Variants in FBXO34 observed in about 807,000 individuals in gnomAD.
FBXO34 encodes F-box protein 34, also known as F-box only protein 34.
Under a neutral mutation model 24.5 loss-of-function variants are expected in FBXO34, and 12 were observed. The ratio of observed to expected loss-of-function variants is 0.49; its 90% CI spans 0.31 to 0.79. The LOEUF (loss-of-function observed/expected upper bound fraction) is 0.79, where lower values mean the gene tolerates loss of function less well. Ranked by LOEUF, FBXO34 falls within the 30% of genes least tolerant of loss-of-function variation. The pLI is 0.04. For missense variants in FBXO34, 823 were observed against 857.7 expected, an observed-to-expected ratio of 0.96 and a Z score of 0.51; for synonymous variants, 320 against 311.9, an observed-to-expected ratio of 1.03 and a Z score of -0.27.
At chr14:55,310,176 C>G (rs78338252) in intron 1 of FBXO34, among the ~76,000 whole-genome samples, 2,242 of 152,104 alleles carry the variant, frequency 0.015, 48 homozygotes, top group African/African-American at 0.051. Flanking sequence ...TGTGAGCTAT[C>G]TAGAATGGAG....
the FBXO34 span, among the ~76,000 whole-genome samples, chr14:55,401,264 G>GT: frequency 0.11 from 16,410 of 148,570 alleles, 2,455 homozygotes; most frequent in African/African-American, 0.34. Flanking sequence ...ATTTTTTATA[G>GT]TTTTTTTTTT....
the FBXO34 span, among the ~76,000 whole-genome samples, chr14:55,391,579 C>T: frequency 0.091 from 13,819 of 152,104 alleles, 1,831 homozygotes; most frequent in African/African-American, 0.29. Context: ...TCTCTAAACC[C>T]GCTCTAGCTA....
At chr14:55,397,883 T>C in the FBXO34 span, among the ~76,000 whole-genome samples, 1 of 151,732 alleles carries the variant, frequency 6.6e-6, no homozygotes, top group South Asian at 2.1e-4. Flanking sequence ...CTAGTTATCA[T>C]AGGCTAAAAA....
chr14:55,350,784 A>G lies in FBXO34; in HGVS notation c.394A>G (p.Ile132Val). The change falls in exon 2 of 2, where the codon ATA (isoleucine) becomes GTA (valine). Residue 132 changes from isoleucine (I) to valine (V), a missense_variant. Ile to Val is a conservative substitution (Grantham distance 29, BLOSUM62 3). Around this residue, in one of 2 missense-constraint regions of FBXO34, gnomAD observed 693 missense variants for 659.1 expected, o/e 1.05. Transcript: ENST00000313833. ...FFASHQCSNR[I>V]GSMKIKSSWD... Reference sequence around the variant, plus strand: ...TGCATCCCACCAGTGTAGTAACAGGATAGGATCTATGAAAATAAAAAGTTC... The same window carrying G: ...TGCATCCCACCAGTGTAGTAACAGGGTAGGATCTATGAAAATAAAAAGTTC... 6.2e-7 allele frequency: 1 copy of G among 1,606,670 alleles called. No individual in the cohort carries two copies. Among genetic ancestry groups the G allele is most frequent in the Non-Finnish European group, 8.5e-7 (1 of 1,177,764 alleles).
the FBXO34 span, among the ~76,000 whole-genome samples, chr14:55,431,022 T>C: frequency 6.6e-6 from 1 of 152,202 alleles, no homozygotes; most frequent in African/African-American, 2.4e-5. Context: ...TGTACAAACA[T>C]TAGAAAGTAG....
chr14:55,360,517 C>T (rs879469711), intron 3 of FBXO34, among the ~76,000 whole-genome samples: 2 of 152,196 alleles, frequency 1.3e-5, no homozygotes, highest in African/African-American at 2.4e-5. Flanking sequence ...TAGCTACTTC[C>T]TCCATGGGTC....
chr14:55,439,451 A>T, the FBXO34 span, among the ~76,000 whole-genome samples: 2 of 151,930 alleles, frequency 1.3e-5, no homozygotes, highest in African/African-American at 4.8e-5. Flanking sequence ...GGGAACCTGA[A>T]GTCACTACAG....
At chr14:55,370,858 C>T (rs1430885100), downstream of FBXO34, among the ~76,000 whole-genome samples, 1 of 152,146 alleles carries the variant, frequency 6.6e-6, no homozygotes, top group East Asian at 1.9e-4. Flanking sequence ...CCAGGCTGGT[C>T]TTGAACTCCT....
chr14:55,296,389 TTG>T (rs1349490584), intron 1 of FBXO34, among the ~76,000 whole-genome samples: 17 of 114,130 alleles, frequency 1.5e-4, no homozygotes, highest in African/African-American at 4.1e-4. Context: ...TGTGTTTTTT[TTG>T]TTTTTTTTTT....
At chr14:55,380,413 G>A in the FBXO34 span, among the ~76,000 whole-genome samples, 1 of 152,128 alleles carries the variant, frequency 6.6e-6, no homozygotes. Context: ...AAACGAATCT[G>A]CACATAAGGC....
intron 1 of FBXO34, among the ~76,000 whole-genome samples, chr14:55,324,459 G>C (rs1883274335): frequency 1.3e-5 from 2 of 151,128 alleles, no homozygotes; most frequent in Non-Finnish European, 2.9e-5. Flanking sequence ...GAATTGCTGG[G>C]TCGTGTGGCA....
At chr14:55,392,370 C>T in the FBXO34 span, among the ~76,000 whole-genome samples, 5 of 152,048 alleles carry the variant, frequency 3.3e-5, no homozygotes, top group Admixed American at 6.6e-5. Flanking sequence ...GATCTATGGC[C>T]GGGTGCAGTG....
At position 55,353,572 on chromosome 14, in the gene FBXO34, T is replaced by A. The variant is rs528236471; in HGVS notation, c.*1046T>A. 3 of 167,240 alleles carry A rather than the reference T, an allele frequency of 1.8e-5. No individual in the cohort carries two copies. Among genetic ancestry groups the A allele is most frequent in the South Asian group, 2.1e-4 (1 of 4,826 alleles). 10.4% of individuals were successfully genotyped at this position (167,240 alleles called of 1,614,324 possible). A position where few individuals can be genotyped will look rare whatever the true frequency, so the allele number is the denominator to read the frequency against. The stretch of plus-strand genomic sequence containing the variant: ...TACTTTATCCTGTCTGGTTACAAAA[T>A]TTTTTAAAACTTAAATAAAAACATG... On this transcript the variant is annotated 3_prime_UTR_variant, in exon 2 of 2. Transcript: ENST00000313833.
At chr14:55,371,832 C>G (rs1884825850), downstream of FBXO34, among the ~76,000 whole-genome samples, 1 of 152,044 alleles carries the variant, frequency 6.6e-6, no homozygotes, top group African/African-American at 2.4e-5. Flanking sequence ...CAAAGAGCCC[C>G]TCAGACTAGG....
At chr14:55,315,735 T>A (rs1359274980) in intron 1 of FBXO34, among the ~76,000 whole-genome samples, 1 of 152,206 alleles carries the variant, frequency 6.6e-6, no homozygotes, top group Non-Finnish European at 1.5e-5. Flanking sequence ...CCATTCTGAT[T>A]CCTGATTTTT....
At chr14:55,280,696 T>C (rs1312254440) in intron 1 of FBXO34, among the ~76,000 whole-genome samples, 1 of 151,886 alleles carries the variant, frequency 6.6e-6, no homozygotes, top group Non-Finnish European at 1.5e-5. Flanking sequence ...CCGGCTAATT[T>C]TTTGTATTTT....
At chr14:55,395,754 T>A in the FBXO34 span, among the ~76,000 whole-genome samples, 2 of 152,244 alleles carry the variant, frequency 1.3e-5, no homozygotes, top group African/African-American at 4.8e-5. Flanking sequence ...AATGGCTCCA[T>A]AATTAATTGC....
downstream of FBXO34, chr14:55,366,491 A>C (rs1033648828): frequency 6.6e-6 from 1 of 152,666 alleles, no homozygotes; most frequent in African/African-American, 2.4e-5. Flanking sequence ...GAATTCCTGC[A>C]ACATGATACT....
chr14:55,332,524 G>C (rs1445458452), intron 1 of FBXO34, among the ~76,000 whole-genome samples: 2 of 152,158 alleles, frequency 1.3e-5, no homozygotes, highest in Non-Finnish European at 2.9e-5. Flanking sequence ...TATTGTAGAA[G>C]TGTTTTTGGA....
Sources: gnomAD v4.1 joint callset for allele counts (sites outside exome capture counted in the v4.1 genomes callset) on GRCh38, gnomAD v4.1.1 for gene constraint, gnomAD v4.1.1 regional missense constraint, MANE v1.5 for transcripts, NCBI Gene and HGNC (gene_info 2026-07-23, HGNC 2026-07-21) for gene names.